HS6ST3: variants seen among roughly 807,000 people sequenced by gnomAD.
The protein encoded by HS6ST3 is heparan sulfate 6-O-sulfotransferase 3.
In HS6ST3, 12 loss-of-function variants were observed where a neutral mutation model predicts 36.7. The observed-to-expected ratio is 0.33, with a 90% CI of 0.21 to 0.53. HS6ST3 has a LOEUF of 0.53. Among genes scored for constraint, HS6ST3 ranks in the 20% least tolerant of loss-of-function variants. The pLI is 0.95. For missense variants in HS6ST3, 584 were observed against 640.9 expected (o/e 0.91, Z 0.96); for synonymous variants, 240 against 257.5 (o/e 0.93, Z 0.65).
chr13:96,773,878 A>C (rs1877330408), intron 1 of HS6ST3, among the ~76,000 whole-genome samples: 1 of 152,148 alleles, frequency 6.6e-6, no homozygotes, highest in African/African-American at 2.4e-5. Context: ...GTGTCTCCTG[A>C]CTGGGAGACA....
intron 1 of HS6ST3, among the ~76,000 whole-genome samples, chr13:96,682,414 C>T (rs959365564): frequency 2.6e-5 from 4 of 152,012 alleles, no homozygotes; most frequent in African/African-American, 4.8e-5. Context: ...TCTTTTGTTC[C>T]TACGCAGTTA....
intron 1 of HS6ST3, among the ~76,000 whole-genome samples, chr13:96,829,555 C>A (rs1490253827): frequency 2.0e-5 from 3 of 152,112 alleles, no homozygotes; most frequent in African/African-American, 7.2e-5. Context: ...TCATTTAGCT[C>A]CTACTTATAA....
chr13:96,538,192 C>G (rs1333092595), intron 1 of HS6ST3, among the ~76,000 whole-genome samples: 1 of 152,160 alleles, frequency 6.6e-6, no homozygotes, highest in Non-Finnish European at 1.5e-5. Context: ...ACTACGTGCT[C>G]CAAATAAATA....
intron 1 of HS6ST3, among the ~76,000 whole-genome samples, chr13:96,536,893 C>T (rs1244657943): frequency 6.6e-6 from 1 of 152,126 alleles, no homozygotes; most frequent in African/African-American, 2.4e-5. Flanking sequence ...GGAAATCTTC[C>T]ACCTACCTAT....
intron 1 of HS6ST3, among the ~76,000 whole-genome samples, chr13:96,633,735 A>G (rs2056539847): frequency 1.3e-5 from 2 of 152,266 alleles, no homozygotes; most frequent in Admixed American, 1.3e-4. Flanking sequence ...TCATACGTTG[A>G]TGTATGACTG....
At chr13:96,167,449 G>T (rs372139833) in intron 1 of HS6ST3, among the ~76,000 whole-genome samples, 8 of 152,264 alleles carry the variant, frequency 5.3e-5, no homozygotes, top group South Asian at 2.1e-4. Context: ...GGGCTGCAAA[G>T]TGCCATGTGC....
chr13:96,810,576 G>A (rs993211215), intron 1 of HS6ST3, among the ~76,000 whole-genome samples: 5 of 152,184 alleles, frequency 3.3e-5, no homozygotes, highest in Admixed American at 1.3e-4. Flanking sequence ...CCATTTAGAC[G>A]TAAAGGAAGT....
chr13:96,170,947 G>A (rs7337417), intron 1 of HS6ST3, among the ~76,000 whole-genome samples: 143,959 of 151,958 alleles, frequency 0.95, 68,288 homozygotes, highest in African/African-American at 0.97. Flanking sequence ...ACACACACAC[G>A]CACGTAGGCC....
At chr13:96,095,863 GGT>G (rs141939376) in intron 1 of HS6ST3, among the ~76,000 whole-genome samples, 2,429 of 140,344 alleles carry the variant, frequency 0.017, 34 homozygotes, top group Middle Eastern at 0.046. Flanking sequence ...TTATATGACT[GGT>G]GTGTGTGTGT....
chr13:96,260,233 TCC>T (rs2054657538), intron 1 of HS6ST3, among the ~76,000 whole-genome samples: 1 of 28,326 alleles, frequency 3.5e-5, no homozygotes, highest in Non-Finnish European at 8.7e-5. Context: ...TTTTTTCCCT[TCC>T]TTCCTTCCTT....
chr13:96,715,137 G>A lies in HS6ST3; in HGVS notation c.708-117353G>A, dbSNP rs565312581. ...AATAACAAAAACAAAAATCCTGAATGAAGAAGTAGGGCTACATATATCACG... is the reference window on the plus strand; with the variant it reads ...AATAACAAAAACAAAAATCCTGAATAAAGAAGTAGGGCTACATATATCACG... On this transcript the variant is annotated intron_variant, in intron 1 of 1. Transcript: ENST00000376705. 2.0e-4 allele frequency among the ~76,000 whole-genome samples: 31 copies of A among 152,202 alleles called. No individual in the cohort carries two copies. In the East Asian group the frequency reaches 5.6e-3, roughly 27 times the overall value.
At chr13:96,596,956 GATAA>G (rs1417963403) in intron 1 of HS6ST3, among the ~76,000 whole-genome samples, 8 of 152,008 alleles carry the variant, frequency 5.3e-5, no homozygotes, top group African/African-American at 1.9e-4. Context: ...TGATAGCCTA[GATAA>G]ATAAAATGTG....
At chr13:96,586,062 G>A (rs2056359937) in intron 1 of HS6ST3, among the ~76,000 whole-genome samples, 1 of 151,786 alleles carries the variant, frequency 6.6e-6, no homozygotes. Context: ...CCACATCCTT[G>A]CTACTACTTT....
chr13:96,669,439 G>A (rs1290102399), intron 1 of HS6ST3, among the ~76,000 whole-genome samples: 1 of 152,148 alleles, frequency 6.6e-6, no homozygotes, highest in Non-Finnish European at 1.5e-5. Flanking sequence ...AGCACTTGGA[G>A]GGAAAATGCT....
At chr13:96,779,888 A>G (rs574182086) in intron 1 of HS6ST3, among the ~76,000 whole-genome samples, 1 of 152,322 alleles carries the variant, frequency 6.6e-6, no homozygotes, top group South Asian at 2.1e-4. Flanking sequence ...AGAAGTCAAG[A>G]TAGGTCATAA....
chr13:96,433,024 G>T (rs1189216619), intron 1 of HS6ST3, among the ~76,000 whole-genome samples: 3 of 152,158 alleles, frequency 2.0e-5, no homozygotes, highest in African/African-American at 7.2e-5. Flanking sequence ...CTAATAAATA[G>T]TAAGAAAAAT....
intron 1 of HS6ST3, among the ~76,000 whole-genome samples, chr13:96,399,196 C>T (rs2139456260): frequency 6.6e-6 from 1 of 152,306 alleles, no homozygotes; most frequent in Middle Eastern, 3.4e-3. Context: ...TAGTATTACA[C>T]ATTAGGCTAT....
chr13:96,681,117 A>C (rs2056717018), intron 1 of HS6ST3, among the ~76,000 whole-genome samples: 1 of 152,190 alleles, frequency 6.6e-6, no homozygotes, highest in Non-Finnish European at 1.5e-5. Context: ...GGTTCTCCAC[A>C]GTTTTCACTC....
At chr13:96,489,784 T>G (rs914934708) in intron 1 of HS6ST3, among the ~76,000 whole-genome samples, 2 of 152,132 alleles carry the variant, frequency 1.3e-5, no homozygotes, top group African/African-American at 4.8e-5. Context: ...CTTACACTTC[T>G]TATACATTTG....
Sources: gnomAD v4.1 joint callset for allele counts (sites outside exome capture counted in the v4.1 genomes callset) on GRCh38, gnomAD v4.1.1 for gene constraint, MANE v1.5 for transcripts, NCBI Gene and HGNC (gene_info 2026-07-23, HGNC 2026-07-21) for gene names.